Variants in DLG3 observed in about 807,000 individuals in gnomAD.
DLG3 encodes disks large homolog 3.
A neutral mutation model predicts 64.1 loss-of-function variants in DLG3; 1 was observed. The observed-to-expected ratio is 0.02, with a 90% CI of 0.01 to 0.07. The LOEUF (loss-of-function observed/expected upper bound fraction) is 0.07. Ranked by LOEUF, DLG3 falls within the 10% of genes least tolerant of loss-of-function variation. The pLI is 1.00. For missense variants in DLG3, 429 were observed against 669.5 expected (o/e 0.64, Z 3.96); for synonymous variants, 245 against 259.8 (o/e 0.94, Z 0.55).
intron 9 of DLG3, among the ~76,000 whole-genome samples, chrX:70,465,950 C>T (rs1043263179): frequency 3.6e-5 from 4 of 111,009 alleles, no homozygotes; most frequent in East Asian, 2.8e-4. Context: ...CCCTTGTATA[C>T]GGTTTTTGTG....
intron 10 of DLG3, among the ~76,000 whole-genome samples, chrX:70,491,236 A>G (rs1037381101): frequency 5.9e-4 from 66 of 110,987 alleles, no homozygotes; most frequent in African/African-American, 2.0e-3. Flanking sequence ...TTGATGTGTC[A>G]CTCCTCTCAG....
chrX:70,467,254 G>T (rs757822353), intron 9 of DLG3, among the ~76,000 whole-genome samples: 1 of 112,124 alleles, frequency 8.9e-6, no homozygotes, highest in East Asian at 2.8e-4. Context: ...GCCTGGAGTT[G>T]ATTTGTGATG....
At chrX:70,493,265 T>TA in intron 12 of DLG3, 1 of 621,806 alleles carries the variant, frequency 1.6e-6, no homozygotes. Context: ...GATGGTCTTT[T>TA]ATTTAGCTCA....
intron 10 of DLG3, among the ~76,000 whole-genome samples, chrX:70,480,548 T>A (rs745428826): frequency 8.9e-6 from 1 of 111,743 alleles, no homozygotes; most frequent in South Asian, 3.8e-4. Context: ...GCGGGACTAG[T>A]CACTGGTCAT....
rs1157112463 is a variant in DLG3 at position 70,482,238 on chromosome X, C to G, written c.1520+2974C>G. On this transcript the variant is annotated intron_variant, in intron 10 of 18. Coordinates refer to ENST00000374360, the MANE Select transcript of DLG3 (RefSeq NM_021120.4). ...GGTGTTACAGAAGAGGCTGGGCAAC[C>G]ATTTGCCTGGGTATTGCAGAGGGGG... Among the ~76,000 whole-genome samples, 3 of 112,253 alleles carry G rather than the reference C, an allele frequency of 2.7e-5. No individual in the cohort carries two copies. The South Asian group carries it at 1.1e-3, about 42-fold the overall frequency.
intron 1 of DLG3, 135 bp downstream of exon 1, chrX:70,445,693 C>G: frequency 1.7e-6 from 1 of 580,728 alleles, no homozygotes; most frequent in East Asian, 3.6e-5. Context: ...TGCAGCTGGG[C>G]AAAGAGAGGC....
rs1052139755 is a variant in DLG3, at chrX:70,500,457, C to T, written c.2146-14C>T. The T allele has an allele frequency of 8.5e-7, 1 of 1,175,011 alleles. No individual in the cohort carries two copies. Among genetic ancestry groups the T allele is most frequent in the East Asian group, 3.0e-5 (1 of 33,069 alleles). ...TAGGGAGTGGCTGGGCTGTTACAAT[C>T]TCTGCTTTTTCAGGGCAAGCACTGC... On this transcript the variant is annotated splice_polypyrimidine_tract_variant and intron_variant, in intron 16 of 18. Transcript: ENST00000374360.
intron 4 of DLG3, 102 bp from the exon 5 acceptor site, chrX:70,450,067 G>T (rs1370786818): frequency 9.2e-7 from 1 of 1,090,565 alleles, no homozygotes; most frequent in African/African-American, 1.8e-5. Flanking sequence ...GAGCTCCTGT[G>T]GGGCCAGTGG....
At chrX:70,460,905 A>G (rs187938101) in intron 9 of DLG3, among the ~76,000 whole-genome samples, 81 of 112,510 alleles carry the variant, frequency 7.2e-4, no homozygotes, top group African/African-American at 2.5e-3. Flanking sequence ...ATGTATCAAT[A>G]CTTCATTCCT....
chrX:70,495,570 C>T (rs1435263651), intron 13 of DLG3, 117 bp downstream of exon 13: 1 of 685,324 alleles, frequency 1.5e-6, no homozygotes, highest in Admixed American at 2.2e-5. Flanking sequence ...TGTTTGTGAG[C>T]ACTCTGACAT....
chrX:70,477,198 G>A (rs2087067949), intron 9 of DLG3, among the ~76,000 whole-genome samples: 1 of 112,729 alleles, frequency 8.9e-6, no homozygotes, highest in South Asian at 3.6e-4. Context: ...CGATTCCAAA[G>A]AAGGGAATAT....
rs773726788 is a variant in DLG3 at position 70,483,845 on chromosome X, G to A, written c.1520+4581G>A. Among the ~76,000 whole-genome samples the A allele has an allele frequency of 2.7e-5, 3 of 112,406 alleles. No individual in the cohort carries two copies. In the South Asian group the frequency reaches 1.1e-3, roughly 42 times the overall value. On this transcript the variant is annotated intron_variant, in intron 10 of 18. Coordinates refer to ENST00000374360, the MANE Select transcript of DLG3 (RefSeq NM_021120.4). ...AGAATTATCTCTTAAGTAGATGACCGGGATAAGCACAGCACCTCAGTCTGC... is the reference window on the plus strand; with the variant it reads ...AGAATTATCTCTTAAGTAGATGACCAGGATAAGCACAGCACCTCAGTCTGC...
rs1346119172 is a variant in DLG3, at chrX:70,464,465, T to C, written c.1405+10149T>C. Among the ~76,000 whole-genome samples, 3 of 110,397 alleles carry C rather than the reference T, an allele frequency of 2.7e-5. No individual in the cohort carries two copies. The Admixed American group carries it at 2.9e-4, about 11-fold the overall frequency. On this transcript the variant is annotated intron_variant, in intron 9 of 18. Transcript: ENST00000374360. ...TTGTAGAGACTGGGTTTTGCCATGTTGCTCAGGCTGGTCTTGAACTCCTGA... is the reference window on the plus strand; with the variant it reads ...TTGTAGAGACTGGGTTTTGCCATGTCGCTCAGGCTGGTCTTGAACTCCTGA...
rs1000706381 is a variant in DLG3 at position 70,504,711 on chromosome X, G to A, written c.*2442G>A. The A allele has an allele frequency of 6.2e-5, 7 of 112,239 alleles. No homozygotes were observed. The highest frequency in any genetic ancestry group is 2.3e-4 in the African/African-American group (7 of 30,841). 9.2% of individuals were successfully genotyped at this position (112,239 alleles called of 1,213,427 possible). A position where few individuals can be genotyped will look rare whatever the true frequency, so the allele number is the denominator to read the frequency against. On this transcript the variant is annotated 3_prime_UTR_variant, in exon 19 of 19. Transcript: ENST00000374360. ...GAGGTGTGTGTTAGAGAAAGCAGGG[G>A]CCTGATTTAGTAGCAGAGAACTGGG...
In DLG3 at chrX:70,503,509, A is replaced by G. The variant is rs1171773201; in HGVS notation, c.*1240A>G. ...TCCTTCCTGGGTTCCACCAACAGGG[A>G]CAGGGAGTCACTTGCCTTCCAGTTC... On this transcript the variant is annotated 3_prime_UTR_variant, in exon 19 of 19. Coordinates refer to ENST00000374360, the MANE Select transcript of DLG3 (RefSeq NM_021120.4). The G allele has an allele frequency of 9.0e-6, 1 of 111,215 alleles. No homozygotes were observed. The highest frequency in any genetic ancestry group is 1.9e-5 in the Non-Finnish European group (1 of 53,047). 9.2% of individuals were successfully genotyped at this position (111,215 alleles called of 1,213,427 possible). A position where few individuals can be genotyped will look rare whatever the true frequency, so the allele number is the denominator to read the frequency against.
intron 9 of DLG3, among the ~76,000 whole-genome samples, chrX:70,470,161 C>T (rs935886851): frequency 8.9e-6 from 1 of 111,989 alleles, no homozygotes; most frequent in African/African-American, 3.2e-5. Context: ...TCTTCTGATT[C>T]TTTCTACCTA....
intron 9 of DLG3, among the ~76,000 whole-genome samples, chrX:70,475,942 A>G (rs1001988624): frequency 1.8e-5 from 2 of 111,751 alleles, no homozygotes; most frequent in Non-Finnish European, 3.8e-5. Context: ...GCAGGATCCA[A>G]TTCTGTAAGT....
chrX:70,472,322 GT>G (rs2086983946), intron 9 of DLG3, among the ~76,000 whole-genome samples: 1 of 112,122 alleles, frequency 8.9e-6, no homozygotes, highest in Admixed American at 9.5e-5. Context: ...GGAGGCCGAG[GT>G]GGGTGGATCA....
chrX:70,501,148 T>A (rs1006164174), intron 18 of DLG3, among the ~76,000 whole-genome samples, 159 bp downstream of exon 18: 3 of 110,990 alleles, frequency 2.7e-5, no homozygotes, highest in African/African-American at 9.9e-5. Context: ...GCACACAAGT[T>A]CCCCGTGTCC....
Sources: allele counts gnomAD v4.1 joint callset (sites outside exome capture counted in the v4.1 genomes callset), GRCh38; gene constraint gnomAD v4.1.1; transcripts MANE v1.5; gene names NCBI Gene and HGNC (gene_info 2026-07-23, HGNC 2026-07-21).